TRPM3: variants seen among roughly 807,000 people sequenced by gnomAD.
TRPM3 encodes transient receptor potential cation channel subfamily M member 3.
A neutral mutation model predicts 181.2 loss-of-function variants in TRPM3; 77 were observed. The ratio of observed to expected loss-of-function variants is 0.42; its 90% CI spans 0.35 to 0.51. TRPM3 has a LOEUF of 0.51. Among genes scored for constraint, TRPM3 ranks in the 20% least tolerant of loss-of-function variants. The pLI is 0.01. For synonymous variants in TRPM3, 745 were observed against 796.4 expected (o/e 0.94, Z 1.09); for missense variants, 1,759 against 2,196.7 (o/e 0.80, Z 3.98).
chr9:70,953,642 A>C (rs2133727726), intron 1 of TRPM3, among the ~76,000 whole-genome samples: 1 of 152,290 alleles, frequency 6.6e-6, no homozygotes, highest in Admixed American at 6.5e-5. Context: ...CAAACCCAAG[A>C]ATTTGGGTTC....
At chr9:70,768,589 A>ACTAT (rs2079581735) in intron 7 of TRPM3, among the ~76,000 whole-genome samples, 1 of 141,886 alleles carries the variant, frequency 7.0e-6, no homozygotes, top group African/African-American at 2.4e-5. Flanking sequence ...TCTGCTAGAA[A>ACTAT]CTATCTTTTC....
intron 1 of TRPM3, among the ~76,000 whole-genome samples, chr9:70,995,846 C>T (rs1242850589): frequency 6.6e-6 from 1 of 152,128 alleles, no homozygotes; most frequent in East Asian, 1.9e-4. Context: ...TTAACTGTCC[C>T]GTCTTGGTGT....
intron 1 of TRPM3, among the ~76,000 whole-genome samples, chr9:71,301,676 G>C (rs1295984919): frequency 2.0e-5 from 3 of 152,148 alleles, no homozygotes; most frequent in African/African-American, 7.2e-5. Flanking sequence ...AATACATGAA[G>C]ATGATTTTTG....
chr9:70,670,291 C>T (rs370746614), intron 9 of TRPM3, among the ~76,000 whole-genome samples: 75 of 152,078 alleles, frequency 4.9e-4, no homozygotes, highest in Non-Finnish European at 8.7e-4. Context: ...GTAACCATTC[C>T]GCAGGGTTGT....
intron 18 of TRPM3, among the ~76,000 whole-genome samples, chr9:70,613,048 C>T (rs778576496): frequency 2.6e-5 from 4 of 152,120 alleles, no homozygotes; most frequent in African/African-American, 4.8e-5. Flanking sequence ...GCACTGCATT[C>T]AAAACAAAAG....
chr9:71,278,824 A>G (rs1348515143), intron 1 of TRPM3, among the ~76,000 whole-genome samples: 3 of 152,150 alleles, frequency 2.0e-5, no homozygotes, highest in African/African-American at 7.2e-5. Flanking sequence ...TGTAACACAT[A>G]TATTATAGAA....
intron 22 of TRPM3, among the ~76,000 whole-genome samples, chr9:70,561,369 A>G (rs2049027418): frequency 6.6e-6 from 1 of 152,314 alleles, no homozygotes; most frequent in Middle Eastern, 3.4e-3. Context: ...TTCCTTGGCA[A>G]GACAACTGGA....
intron 2 of TRPM3, among the ~76,000 whole-genome samples, chr9:70,863,921 AT>A: frequency 6.6e-6 from 1 of 152,242 alleles, no homozygotes; most frequent in East Asian, 1.9e-4. Context: ...TCATAAGGGC[AT>A]TTCAGACATA....
At chr9:71,213,147 A>G (rs1205463198) in intron 1 of TRPM3, among the ~76,000 whole-genome samples, 1 of 152,190 alleles carries the variant, frequency 6.6e-6, no homozygotes, top group Non-Finnish European at 1.5e-5. Flanking sequence ...CAACTATTCC[A>G]CTATGGCACT....
At chr9:70,919,691 G>A (rs746982635) in intron 1 of TRPM3, among the ~76,000 whole-genome samples, 3 of 151,794 alleles carry the variant, frequency 2.0e-5, no homozygotes, top group Non-Finnish European at 2.9e-5. Context: ...AGCTGAGGCA[G>A]GAGAATCTCT....
At chr9:71,376,864 T>G (rs115117416) in intron 1 of TRPM3, among the ~76,000 whole-genome samples, 7 of 152,112 alleles carry the variant, frequency 4.6e-5, no homozygotes, top group Admixed American at 4.6e-4. Context: ...AGTTGAATTT[T>G]TAAGTGTTCT....
chr9:70,616,181 C>CGT (rs137890756), intron 17 of TRPM3, 106 bp from the exon 18 acceptor site: 17 of 806,758 alleles, frequency 2.1e-5, no homozygotes, highest in Admixed American at 6.2e-5. Flanking sequence ...AGAGTGTATG[C>CGT]GTGTGTGTGT....
Position 70,615,990 on chromosome 9 carries a change from T to A in TRPM3, c.2444A>T (p.Gln815Leu), listed in dbSNP as rs924599244. ...CTCCTTCTCTTGGAGGTGGATTTCCTGGGCCTGAGACATATAGGGCATGTC... is the reference window on the plus strand; with the variant it reads ...CTCCTTCTCTTGGAGGTGGATTTCCAGGGCCTGAGACATATAGGGCATGTC... ...KDDMPYMSQA[Q>L]EIHLQEKEAE... is the part of the protein sequence containing the mutation. Residue 815 changes from glutamine (Q) to leucine (L), a missense_variant, in exon 18 of 26, where the codon CAG becomes CTG. Physicochemically the swap from Gln to Leu is moderately radical, Grantham distance 113. Around this residue, in one of 8 missense-constraint regions of TRPM3, gnomAD observed 114 missense variants for 134.8 expected, o/e 0.85. Transcript: ENST00000677713. 1 of 1,613,520 alleles carries A rather than the reference T, an allele frequency of 6.2e-7. No individual in the cohort carries two copies. Among genetic ancestry groups the A allele is most frequent in the Non-Finnish European group, 8.5e-7 (1 of 1,179,690 alleles).
At position 70,625,305 on chromosome 9, in the gene TRPM3, G is replaced by A; in HGVS notation, c.1695C>T (p.Ile565=). 1 of 1,614,150 alleles carries A rather than the reference G, an allele frequency of 6.2e-7. No individual in the cohort carries two copies. The highest frequency in any genetic ancestry group is 8.5e-7 in the Non-Finnish European group (1 of 1,180,036). Residue 565 remains isoleucine, a synonymous_variant, in exon 14 of 26, where the codon ATC becomes ATT. Coordinates refer to ENST00000677713, the MANE Select transcript of TRPM3 (RefSeq NM_001366145.2). This position sits in a 1 kb window ranked among gnomAD's most constrained non-coding sequence, Gnocchi z 4.8. ...FKGNLPPDYR[I]SLIDIGLVIE... ...TCACCAGGCCGATGTCAATCAGGCT[G>A]ATTCTGTAGTCTGGGGGCAGGTTCC...
intron 1 of TRPM3, among the ~76,000 whole-genome samples, chr9:71,397,230 GA>G (rs766367360): frequency 1.4e-4 from 21 of 152,264 alleles, no homozygotes; most frequent in Non-Finnish European, 1.9e-4. Context: ...TTTACAGCCA[GA>G]ATAATATGGT....
intron 1 of TRPM3, among the ~76,000 whole-genome samples, chr9:71,424,260 G>A (rs181067132): frequency 6.6e-6 from 1 of 152,044 alleles, no homozygotes; most frequent in South Asian, 2.1e-4. Flanking sequence ...TATAGGTCAG[G>A]AACTGCCATT....
At chr9:71,249,282 A>T (rs2082204488) in intron 1 of TRPM3, among the ~76,000 whole-genome samples, 1 of 152,204 alleles carries the variant, frequency 6.6e-6, no homozygotes, top group Non-Finnish European at 1.5e-5. Flanking sequence ...AAATATATTT[A>T]TTTGAAAATG....
At chr9:70,775,627 G>C (rs1564225670) in intron 7 of TRPM3, 1 of 152,164 alleles carries the variant, frequency 6.6e-6, no homozygotes, top group Admixed American at 6.5e-5. Flanking sequence ...TTGTAGGTGA[G>C]AGCCAGGCAG....
chr9:70,743,705 G>A (rs1414378085), intron 8 of TRPM3, among the ~76,000 whole-genome samples: 6 of 152,070 alleles, frequency 3.9e-5, no homozygotes, highest in Non-Finnish European at 7.4e-5. Context: ...TAGGGATGCA[G>A]AGTGGAAATG....
Sources: allele counts gnomAD v4.1 joint callset (sites outside exome capture counted in the v4.1 genomes callset), GRCh38; gene constraint gnomAD v4.1.1; regional missense constraint gnomAD v4.1.1; non-coding constraint Gnocchi (gnomAD v3.1); transcripts MANE v1.5; gene names NCBI Gene and HGNC (gene_info 2026-07-23, HGNC 2026-07-21).